The following ACSS3 variants were observed in gnomAD, a reference collection of about 807,000 sequenced individuals.
ACSS3 encodes the protein acyl-CoA synthetase short chain family member 3.
ACSS3 carries 64 observed loss-of-function variants against 84.2 expected under a neutral mutation model. The observed-to-expected ratio is 0.76, with a 90% CI of 0.62 to 0.94. The LOEUF is 0.94. Among genes scored for constraint, ACSS3 ranks in the 40% least tolerant of loss-of-function variants. The probability of loss-of-function intolerance (pLI) is 0.00; values close to 1 mark genes in which losing one functional copy is unlikely to be tolerated. For missense variants in ACSS3, 815 were observed against 867.6 expected (o/e 0.94, Z 0.76); for synonymous variants, 317 against 310.1 (o/e 1.02, Z -0.23).
At chr12:81,103,964 A>T (rs1320177519) in intron 1 of ACSS3, among the ~76,000 whole-genome samples, 1 of 152,164 alleles carries the variant, frequency 6.6e-6, no homozygotes, top group Non-Finnish European at 1.5e-5. Context: ...TTAAAATTAA[A>T]TTTGTTAACA....
rs1193268193 is a variant in ACSS3 at position 81,258,799 on chromosome 12, T to C, written c.*3877T>C. 1 of 152,138 alleles carries C rather than the reference T, an allele frequency of 6.6e-6. No individual in the cohort carries two copies. Among genetic ancestry groups the C allele is most frequent in the Admixed American group, 6.6e-5 (1 of 15,240 alleles). The allele number at this position is 152,138 out of a possible 1,614,324, so 9.4% of individuals were successfully genotyped here. A position where few individuals can be genotyped will look rare whatever the true frequency, so the allele number is the denominator to read the frequency against. On this transcript the variant is annotated 3_prime_UTR_variant, in exon 16 of 16. Coordinates refer to ENST00000548058, the MANE Select transcript of ACSS3 (RefSeq NM_024560.4). ...GCGGTGGTTGACATTCACTGTCCAG[T>C]ACTGGCTGGCATTTCAAGATATTTG...
chr12:81,098,174 G>GTA (rs1882217412), intron 1 of ACSS3, among the ~76,000 whole-genome samples: 1 of 150,412 alleles, frequency 6.6e-6, no homozygotes, highest in Non-Finnish European at 1.5e-5. Context: ...GTGTGTGTGT[G>GTA]TGTGTGAGAC....
At chr12:81,084,327 A>C (rs1363829374) in intron 1 of ACSS3, among the ~76,000 whole-genome samples, 1 of 152,240 alleles carries the variant, frequency 6.6e-6, no homozygotes, top group African/African-American at 2.4e-5. Context: ...GAGAACATAA[A>C]ATAATGTGAC....
chr12:81,254,409 G>A (rs564217490), intron 15 of ACSS3, among the ~76,000 whole-genome samples: 51 of 152,208 alleles, frequency 3.4e-4, no homozygotes, highest in African/African-American at 1.1e-3. Context: ...ACTGATAAAT[G>A]CTAATTTTGT....
intron 9 of ACSS3, among the ~76,000 whole-genome samples, chr12:81,211,181 C>T (rs1024673188): frequency 6.6e-5 from 10 of 151,742 alleles, no homozygotes; most frequent in Non-Finnish European, 1.2e-4. Flanking sequence ...GGTTTCACCA[C>T]GTTGCCCAGG....
chr12:81,227,280 TA>T (rs1299117268), intron 11 of ACSS3, among the ~76,000 whole-genome samples: 3 of 151,778 alleles, frequency 2.0e-5, no homozygotes, highest in African/African-American at 7.3e-5. Context: ...TAATTTCATC[TA>T]AAAAATGCCT....
chr12:81,213,844 TCCTCTCC>T (rs1317861414), intron 9 of ACSS3, among the ~76,000 whole-genome samples: 92 of 60,998 alleles, frequency 1.5e-3, no homozygotes, highest in Non-Finnish European at 2.2e-3. Context: ...TTCTCTTCTC[TCCTCTCC>T]TCTCTTCTCT....
chr12:81,129,817 G>A (rs994684871), intron 2 of ACSS3, among the ~76,000 whole-genome samples: 7 of 117,896 alleles, frequency 5.9e-5, no homozygotes, highest in Non-Finnish European at 8.1e-5. Flanking sequence ...GATATTCCCC[G>A]CCCTGTGTCC....
chr12:81,123,820 G>C (rs1421701690), intron 2 of ACSS3, among the ~76,000 whole-genome samples: 1 of 152,136 alleles, frequency 6.6e-6, no homozygotes, highest in South Asian at 2.1e-4. Context: ...TGGCTGCATA[G>C]TATTCCATAG....
At chr12:81,135,060 T>C (rs1357072812) in intron 3 of ACSS3, 56 bp downstream of exon 3, 4 of 1,391,382 alleles carry the variant, frequency 2.9e-6, no homozygotes, top group African/African-American at 2.9e-5. Flanking sequence ...TAGTCATATT[T>C]ATCTGTGGAT....
chr12:81,221,143 T>C (rs138373207), intron 11 of ACSS3, among the ~76,000 whole-genome samples: 16 of 152,186 alleles, frequency 1.1e-4, no homozygotes, highest in African/African-American at 3.9e-4. Context: ...AAAATTTATA[T>C]GCTAGTGGAA....
intron 8 of ACSS3, among the ~76,000 whole-genome samples, chr12:81,193,574 T>C (rs1045114918): frequency 6.6e-6 from 1 of 151,960 alleles, no homozygotes; most frequent in Non-Finnish European, 1.5e-5. Flanking sequence ...TTTTCTATTC[T>C]GAATATTATT....
At chr12:81,210,751 T>C (rs1050649661) in intron 9 of ACSS3, among the ~76,000 whole-genome samples, 1 of 152,166 alleles carries the variant, frequency 6.6e-6, no homozygotes, top group Non-Finnish European at 1.5e-5. Flanking sequence ...GACTGGAATC[T>C]AATAGGTATA....
At chr12:81,168,589 CAG>C (rs1887512019) in intron 7 of ACSS3, among the ~76,000 whole-genome samples, 1 of 152,146 alleles carries the variant, frequency 6.6e-6, no homozygotes, top group African/African-American at 2.4e-5. Context: ...GCTTCTGGGT[CAG>C]AGCTAATCCT....
At chr12:81,162,691 T>C (rs1887212217) in intron 7 of ACSS3, among the ~76,000 whole-genome samples, 1 of 152,216 alleles carries the variant, frequency 6.6e-6, no homozygotes, top group Non-Finnish European at 1.5e-5. Flanking sequence ...CATTAACATG[T>C]TGTCCATGGC....
At position 81,258,675 on chromosome 12, in the gene ACSS3, TA is replaced by T; in HGVS notation, c.*3755del. ...CAAGGCCATCTCGGCTAAAAGCTTA[TA>T]ACATTAGACATGAGTCTGGCTAATG... On this transcript the variant is annotated 3_prime_UTR_variant, in exon 16 of 16. Coordinates refer to ENST00000548058, the MANE Select transcript of ACSS3 (RefSeq NM_024560.4). 6.6e-6 allele frequency: 1 copy of T among 152,224 alleles called. No homozygotes were observed. The highest frequency in any genetic ancestry group is 2.1e-4 in the South Asian group (1 of 4,828). 9.4% of individuals were successfully genotyped at this position (152,224 alleles called of 1,614,324 possible).
intron 13 of ACSS3, among the ~76,000 whole-genome samples, chr12:81,247,235 C>T: frequency 6.6e-6 from 1 of 152,136 alleles, no homozygotes; most frequent in Non-Finnish European, 1.5e-5. Context: ...TAAGAGATTA[C>T]TTCCAATATT....
chr12:81,256,926 A>G lies in ACSS3; in HGVS notation c.*2004A>G, dbSNP rs2034320662. 6.6e-6 allele frequency: 1 copy of G among 152,088 alleles called. No individual in the cohort carries two copies. The highest frequency in any genetic ancestry group is 1.5e-5 in the Non-Finnish European group (1 of 68,010). The allele number at this position is 152,088 out of a possible 1,614,324, so 9.4% of individuals were successfully genotyped here. A position where few individuals can be genotyped will look rare whatever the true frequency, so the allele number is the denominator to read the frequency against. Reference sequence around the variant, plus strand: ...GTTGCCTCTTTCATTGGTACGTTTTATCCATTGTCACAACTGTGGTCTTCA... The same window carrying G: ...GTTGCCTCTTTCATTGGTACGTTTTGTCCATTGTCACAACTGTGGTCTTCA... On this transcript the variant is annotated 3_prime_UTR_variant, in exon 16 of 16. Coordinates refer to ENST00000548058, the MANE Select transcript of ACSS3 (RefSeq NM_024560.4).
intron 9 of ACSS3, among the ~76,000 whole-genome samples, chr12:81,203,822 C>A (rs2032218368): frequency 1.3e-5 from 2 of 152,152 alleles, no homozygotes; most frequent in Admixed American, 6.5e-5. Flanking sequence ...GTATTATCTT[C>A]ACAGTAACTC....
Sources: gnomAD v4.1 joint callset for allele counts (sites outside exome capture counted in the v4.1 genomes callset) on GRCh38, gnomAD v4.1.1 for gene constraint, MANE v1.5 for transcripts, NCBI Gene and HGNC (gene_info 2026-07-23, HGNC 2026-07-21) for gene names.